RASAL2: variants seen among roughly 807,000 people sequenced by gnomAD.
RASAL2 encodes RAS protein activator like 2, also known as ras GTPase-activating protein nGAP.
Under a neutral mutation model 128.9 loss-of-function variants are expected in RASAL2, and 58 were observed. The observed-to-expected ratio is 0.45, with a 90% confidence interval of 0.36 to 0.56. The LOEUF (loss-of-function observed/expected upper bound fraction) is 0.56, where lower values mean the gene tolerates loss of function less well. Ranked by LOEUF, RASAL2 falls within the 20% of genes least tolerant of loss-of-function variation. RASAL2 has a pLI of 0.00. For synonymous variants in RASAL2, 561 were observed against 580.8 expected, an observed-to-expected ratio of 0.97 and a Z score of 0.49; for missense variants, 1,360 against 1,601.6, an observed-to-expected ratio of 0.85 and a Z score of 2.57.
intron 3 of RASAL2, among the ~76,000 whole-genome samples, chr1:178,329,833 G>T (rs1009823671): frequency 6.6e-6 from 1 of 151,854 alleles, no homozygotes; most frequent in Non-Finnish European, 1.5e-5. Flanking sequence ...GTGACAGAGC[G>T]AGATCCTGTC....
chr1:178,188,183 G>A (rs927325027), intron 1 of RASAL2, among the ~76,000 whole-genome samples: 1 of 152,038 alleles, frequency 6.6e-6, no homozygotes, highest in African/African-American at 2.4e-5. Flanking sequence ...GGGGATTTCT[G>A]TACATTTCTG....
intron 5 of RASAL2, among the ~76,000 whole-genome samples, chr1:178,435,783 T>G (rs1676215575): frequency 6.6e-6 from 1 of 152,094 alleles, no homozygotes; most frequent in South Asian, 2.1e-4. Flanking sequence ...CCTGAATTAT[T>G]CTTACATGGT....
In RASAL2 at chr1:178,473,561, C is replaced by G. The variant is rs1271558900; in HGVS notation, c.*322C>G. The G allele has an allele frequency of 1.2e-5, 4 of 322,782 alleles. No individual in the cohort carries two copies. Among genetic ancestry groups the G allele is most frequent in the African/African-American group, 4.3e-5 (2 of 46,116 alleles). The allele number at this position is 322,782 out of a possible 1,614,324, so 20.0% of individuals were successfully genotyped here. A position where few individuals can be genotyped will look rare whatever the true frequency, so the allele number is the denominator to read the frequency against. On this transcript the variant is annotated 3_prime_UTR_variant, in exon 18 of 18. Coordinates refer to ENST00000367649, the MANE Select transcript of RASAL2 (RefSeq NM_170692.4). ...TTGCTATTTTTATTATTGTTTTCCT[C>G]TTGTTGAAAGCACTGCAGTTGTTAC...
intron 1 of RASAL2, among the ~76,000 whole-genome samples, chr1:178,114,707 A>G (rs1199381065): frequency 6.6e-6 from 1 of 152,106 alleles, no homozygotes; most frequent in African/African-American, 2.4e-5. Context: ...ATCTTTTAGT[A>G]GAGACGGTGT....
chr1:178,160,586 G>C (rs1234572369), intron 1 of RASAL2, among the ~76,000 whole-genome samples: 1 of 152,192 alleles, frequency 6.6e-6, no homozygotes, highest in Non-Finnish European at 1.5e-5. Flanking sequence ...AGTGAGCCGA[G>C]ATCGCACCAC....
intron 1 of RASAL2, among the ~76,000 whole-genome samples, chr1:178,176,614 AT>A (rs35361851): frequency 2.5e-4 from 37 of 145,488 alleles, no homozygotes; most frequent in Middle Eastern, 3.6e-3. Context: ...TATTTGTTGC[AT>A]TTTTTTTTTT....
rs1242329205 is a variant in RASAL2, at chr1:178,094,589, G to T, written c.97G>T (p.Asp33Tyr). 11 of 1,610,294 alleles carry T rather than the reference G, an allele frequency of 6.8e-6. No homozygotes were observed. Among genetic ancestry groups the T allele is most frequent in the Non-Finnish European group, 7.6e-6 (9 of 1,178,468 alleles). ...LESDSPLPPE[D>Y]LDAVVPVSGA... Reference sequence around the variant, plus strand: ...GTCCGACTCGCCGCTGCCCCCGGAGGACCTGGACGCGGTTGTCCCAGTCAG... The same window carrying T: ...GTCCGACTCGCCGCTGCCCCCGGAGTACCTGGACGCGGTTGTCCCAGTCAG... The change falls in exon 1 of 18, where the codon GAC becomes TAC. Residue 33 changes from aspartate (D) to tyrosine (Y), a missense_variant. Physicochemically the swap from Asp to Tyr is radical, Grantham distance 160 (BLOSUM62 -3). This residue lies in a region of RASAL2 where 617 missense variants were observed against 714.2 expected (regional missense o/e 0.86). Coordinates refer to ENST00000367649, the MANE Select transcript of RASAL2 (RefSeq NM_170692.4).
chr1:178,259,255 C>G (rs867409857), intron 1 of RASAL2, among the ~76,000 whole-genome samples: 1 of 150,708 alleles, frequency 6.6e-6, no homozygotes, highest in African/African-American at 2.4e-5. Flanking sequence ...CTCAGCCTCC[C>G]GAGTAGCTGG....
Position 178,457,843 on chromosome 1 carries a change from A to C in RASAL2, c.2551A>C (p.Met851Leu). ...TCCTAATGGTCGGAGCGTCTCCCTC[A>C]TGGACCTCCAGGACACTCATGCTGC... ...SLPNGRSVSL[M>L]DLQDTHAAQV... Residue 851 changes from methionine to leucine, a missense_variant, in exon 14 of 18, where the codon ATG becomes CTG. Met to Leu is a conservative substitution (Grantham distance 15). Coordinates refer to ENST00000367649, the MANE Select transcript of RASAL2 (RefSeq NM_170692.4). The C allele has an allele frequency of 1.9e-6, 3 of 1,614,208 alleles. No homozygotes were observed. Among genetic ancestry groups the C allele is most frequent in the Admixed American group, 3.3e-5 (2 of 60,028 alleles).
chr1:178,457,252 A>G (rs1367847958), intron 13 of RASAL2, among the ~76,000 whole-genome samples: 2 of 152,246 alleles, frequency 1.3e-5, no homozygotes, highest in African/African-American at 4.8e-5. Flanking sequence ...GGCTATGTCA[A>G]CTGGACAGGT....
chr1:178,283,751 C>T, intron 2 of RASAL2, 60 bp downstream of exon 2: 1 of 1,588,038 alleles, frequency 6.3e-7, no homozygotes, highest in Admixed American at 1.7e-5. Flanking sequence ...CCTGAAATTA[C>T]CTAGTTTTTG....
chr1:178,183,775 G>A (rs560683966), intron 1 of RASAL2, among the ~76,000 whole-genome samples: 2 of 152,200 alleles, frequency 1.3e-5, no homozygotes, highest in East Asian at 1.9e-4. Flanking sequence ...ATACATCCAT[G>A]TGTGGGTTTC....
At chr1:178,446,318 T>G (rs1676993510) in intron 9 of RASAL2, among the ~76,000 whole-genome samples, 1 of 152,178 alleles carries the variant, frequency 6.6e-6, no homozygotes, top group African/African-American at 2.4e-5. Context: ...ATATCCCCAC[T>G]ACCTGCACAC....
chr1:178,190,673 A>T (rs917597920), intron 1 of RASAL2, among the ~76,000 whole-genome samples: 1 of 152,058 alleles, frequency 6.6e-6, no homozygotes, highest in Non-Finnish European at 1.5e-5. Context: ...TTTAATTTCC[A>T]AATTGGTATG....
intron 1 of RASAL2, among the ~76,000 whole-genome samples, chr1:178,147,407 T>C (rs1382156214): frequency 6.6e-6 from 1 of 151,000 alleles, no homozygotes; most frequent in Non-Finnish European, 1.5e-5. Context: ...GGAGAATCGC[T>C]TGAGCCCCGG....
At chr1:178,433,667 C>G (rs1485013420) in intron 5 of RASAL2, among the ~76,000 whole-genome samples, 1 of 152,078 alleles carries the variant, frequency 6.6e-6, no homozygotes, top group Non-Finnish European at 1.5e-5. Flanking sequence ...AATCCTAGCA[C>G]TTTGGAAGGC....
intron 1 of RASAL2, among the ~76,000 whole-genome samples, chr1:178,218,643 G>A (rs1038296039): frequency 6.6e-5 from 10 of 152,166 alleles, no homozygotes; most frequent in Admixed American, 1.3e-4. Context: ...GCCAAGATGC[G>A]CCATTACACT....
At chr1:178,385,275 A>G (rs1187966485) in intron 3 of RASAL2, among the ~76,000 whole-genome samples, 1 of 152,138 alleles carries the variant, frequency 6.6e-6, no homozygotes, top group Non-Finnish European at 1.5e-5. Context: ...TAAGATGGTG[A>G]AATACCCTTT....
chr1:178,246,542 A>G (rs1218971651), intron 1 of RASAL2, among the ~76,000 whole-genome samples: 1 of 152,076 alleles, frequency 6.6e-6, no homozygotes, highest in Non-Finnish European at 1.5e-5. Context: ...CTCTCTTCCT[A>G]TTTGAATACC....
Sources: allele counts gnomAD v4.1 joint callset (sites outside exome capture counted in the v4.1 genomes callset), GRCh38; gene constraint gnomAD v4.1.1; regional missense constraint gnomAD v4.1.1; transcripts MANE v1.5; gene names NCBI Gene and HGNC (gene_info 2026-07-23, HGNC 2026-07-21).